EPM2A: variants seen among roughly 807,000 people sequenced by gnomAD.
EPM2A encodes laforin.
In EPM2A, 21 loss-of-function variants were observed where a neutral mutation model predicts 26.5. That is an observed-to-expected ratio of 0.79 (90% CI 0.56 to 1.14). The LOEUF is 1.14. Among genes scored for constraint, EPM2A ranks in the 50% most tolerant of loss-of-function variants. EPM2A has a pLI of 0.00. For synonymous variants in EPM2A, 217 were observed against 177.6 expected (o/e 1.22, Z -1.76); for missense variants, 458 against 440.8 (o/e 1.04, Z -0.35).
At chr6:145,607,450 T>C (rs1775286971) in intron 2 of EPM2A, among the ~76,000 whole-genome samples, 2 of 152,114 alleles carry the variant, frequency 1.3e-5, no homozygotes, top group African/African-American at 4.8e-5. Flanking sequence ...AACAAGTCAC[T>C]GCAAAGCTTT....
chr6:145,427,652 A>C (rs74999465), intron 4 of EPM2A, among the ~76,000 whole-genome samples: 11,736 of 152,270 alleles, frequency 0.077, 499 homozygotes, highest in African/African-American at 0.11. Context: ...GAAAGAAGAC[A>C]GTCTAGTTAG....
chr6:145,540,188 C>G (rs949089743), intron 2 of EPM2A, among the ~76,000 whole-genome samples: 3 of 152,138 alleles, frequency 2.0e-5, no homozygotes, highest in African/African-American at 7.2e-5. Flanking sequence ...TTTTCAATGA[C>G]AATTGTCTCC....
chr6:145,662,972 G>A (rs752139523), intron 2 of EPM2A, among the ~76,000 whole-genome samples: 14 of 152,006 alleles, frequency 9.2e-5, no homozygotes, highest in African/African-American at 1.2e-4. Context: ...AATAAATTTC[G>A]TTGGTGACTT....
At chr6:145,410,195 T>C (rs1473278655) in intron 4 of EPM2A, among the ~76,000 whole-genome samples, 3 of 152,126 alleles carry the variant, frequency 2.0e-5, no homozygotes, top group African/African-American at 7.2e-5. Flanking sequence ...CTCGAAATTG[T>C]AGAAAAGACC....
At chr6:145,594,759 C>T (rs1250215443) in intron 2 of EPM2A, among the ~76,000 whole-genome samples, 1 of 151,712 alleles carries the variant, frequency 6.6e-6, no homozygotes, top group East Asian at 1.9e-4. Context: ...ATTTACAGAA[C>T]AGCCAATTTA....
intron 1 of EPM2A, chr6:145,706,011 T>TAG: frequency 2.2e-6 from 1 of 452,134 alleles, no homozygotes; most frequent in South Asian, 1.6e-5. Context: ...GGGGTTTGCA[T>TAG]AGAAGGCTGG....
intron 4 of EPM2A, among the ~76,000 whole-genome samples, chr6:145,411,437 T>G (rs893966225): frequency 3.9e-5 from 6 of 152,150 alleles, no homozygotes; most frequent in African/African-American, 1.2e-4. Context: ...TGAGCCATAA[T>G]CACTTGAAAC....
intron 2 of EPM2A, among the ~76,000 whole-genome samples, chr6:145,617,398 A>G (rs928725142): frequency 8.5e-5 from 13 of 152,312 alleles, no homozygotes; most frequent in African/African-American, 3.1e-4. Context: ...AGCAGCATGA[A>G]CACAGACTAA....
chr6:145,404,566 G>C (rs770260364), intron 4 of EPM2A, among the ~76,000 whole-genome samples: 1 of 151,950 alleles, frequency 6.6e-6, no homozygotes, highest in Admixed American at 6.6e-5. Context: ...CTGAAGTATT[G>C]TCCTGATTAC....
chr6:145,394,052 T>A (rs1778372887), intron 4 of EPM2A, among the ~76,000 whole-genome samples: 2 of 152,060 alleles, frequency 1.3e-5, no homozygotes, highest in Non-Finnish European at 2.9e-5. Flanking sequence ...CTCGATCTCC[T>A]GACCTTGTGA....
At chr6:145,477,560 T>C (rs939928896) in intron 4 of EPM2A, among the ~76,000 whole-genome samples, 1 of 151,866 alleles carries the variant, frequency 6.6e-6, no homozygotes, top group East Asian at 1.9e-4. Context: ...AATTCAGTAA[T>C]ACATTAGAGA....
chr6:145,568,460 C>T (rs542894571), intron 2 of EPM2A, among the ~76,000 whole-genome samples: 38 of 152,076 alleles, frequency 2.5e-4, no homozygotes, highest in African/African-American at 8.4e-4. Flanking sequence ...GCTGGGATTA[C>T]AGGCACGTGC....
chr6:145,674,332 G>A (rs992818063), intron 2 of EPM2A, among the ~76,000 whole-genome samples: 10 of 152,158 alleles, frequency 6.6e-5, no homozygotes, highest in African/African-American at 2.4e-4. Flanking sequence ...AAGATAGAGA[G>A]AAACCAGAGG....
chr6:145,551,771 T>A (rs1486818752), intron 2 of EPM2A, among the ~76,000 whole-genome samples: 3 of 150,884 alleles, frequency 2.0e-5, no homozygotes, highest in Non-Finnish European at 4.4e-5. Flanking sequence ...CAGCACAAAA[T>A]CCAAAGGATT....
intron 2 of EPM2A, among the ~76,000 whole-genome samples, chr6:145,579,563 G>A (rs1456590148): frequency 3.9e-5 from 6 of 152,102 alleles, no homozygotes; most frequent in South Asian, 2.1e-4. Context: ...AAATTTATCC[G>A]TATTTTAACT....
chr6:145,657,938 C>T (rs968454001), intron 2 of EPM2A, among the ~76,000 whole-genome samples: 1 of 152,184 alleles, frequency 6.6e-6, no homozygotes, highest in African/African-American at 2.4e-5. Context: ...TAGTACCAAC[C>T]TCCCGTCAGC....
intron 3 of EPM2A, chr6:145,629,384 G>C (rs1345116074): frequency 6.6e-6 from 1 of 152,178 alleles, no homozygotes; most frequent in African/African-American, 2.4e-5. Context: ...CAGCGAGGTG[G>C]GTCTGCCACT....
At chr6:145,451,350 G>GTAAAAAAATCCATT (rs1269162998) in intron 4 of EPM2A, among the ~76,000 whole-genome samples, 1,156 of 24,092 alleles carry the variant, frequency 0.048, 11 homozygotes, top group Non-Finnish European at 0.13. Flanking sequence ...AAAATGCATT[G>GTAAAAAAATCCATT]GTAAAAAAAT....
At chr6:145,549,885 C>T (rs904193021) in intron 2 of EPM2A, among the ~76,000 whole-genome samples, 3 of 152,248 alleles carry the variant, frequency 2.0e-5, no homozygotes, top group African/African-American at 7.2e-5. Flanking sequence ...TCATGTACCA[C>T]ACACCTCAAT....
Sources: gnomAD v4.1 joint callset for allele counts (sites outside exome capture counted in the v4.1 genomes callset) on GRCh38, gnomAD v4.1.1 for gene constraint, MANE v1.5 for transcripts, NCBI Gene and HGNC (gene_info 2026-07-23, HGNC 2026-07-21) for gene names.